Variants in NRXN2 observed in about 807,000 individuals in gnomAD.
NRXN2 encodes neurexin-2-beta.
Under a neutral mutation model 128.8 loss-of-function variants are expected in NRXN2, and 29 were observed. That is an observed-to-expected ratio of 0.23 (90% CI 0.17 to 0.31). The LOEUF is 0.31. Among genes scored for constraint, NRXN2 ranks in the 10% least tolerant of loss-of-function variants. The probability of loss-of-function intolerance (pLI) is 1.00; values close to 1 mark genes in which losing one functional copy is unlikely to be tolerated. For missense variants in NRXN2, 1,881 were observed against 2,452.6 expected (o/e 0.77, Z 4.92); for synonymous variants, 1,098 against 1,075.2 (o/e 1.02, Z -0.41).
rs762242505 is a variant in NRXN2 at position 64,607,826 on chromosome 11, G to A, written c.4509C>T (p.Ser1503=). 2.5e-5 allele frequency: 40 copies of A among 1,602,164 alleles called. No individual in the cohort carries two copies. In the South Asian group the frequency reaches 4.4e-4, roughly 18 times the overall value. The change falls in exon 23 of 23, where the codon TCC becomes TCT. Residue 1503 remains serine (S), a synonymous_variant. Transcript: ENST00000265459. ...SGFASGEVFD[S]SLPPTDDEDF... is the part of the protein sequence containing the mutation. ...CCTCGTCGTCCGTGGGGGGGAGGCT[G>A]GAGTCAAAGACCTCCCCGGAGGCGA...
At position 64,630,517 on chromosome 11, in the gene NRXN2, G is replaced by A; in HGVS notation, c.3642C>T (p.Asp1214=). Residue 1214 remains aspartate, a synonymous_variant, in exon 19 of 23, where the codon GAC becomes GAT. Transcript: ENST00000265459. This position sits in a 1 kb window ranked among gnomAD's most constrained non-coding sequence, Gnocchi z 4.6. ...CGTCGCTTACTATGGCGTTGGGCTC[G>A]TCGATGGTAATGTCGTCCGTGCCCA... ...FNVGTDDITI[D]EPNAIVSDGK... The A allele has an allele frequency of 6.2e-7, 1 of 1,614,068 alleles. No homozygotes were observed. The highest frequency in any genetic ancestry group is 8.5e-7 in the Non-Finnish European group (1 of 1,180,020).
At chr11:64,711,663 G>A (rs2056907910) in intron 2 of NRXN2, among the ~76,000 whole-genome samples, 2 of 152,036 alleles carry the variant, frequency 1.3e-5, no homozygotes, top group Non-Finnish European at 2.9e-5. Context: ...CAGCCCCACG[G>A]CCCAGGGTCC....
chr11:64,612,602 G>A (rs1238449009), intron 22 of NRXN2, among the ~76,000 whole-genome samples: 1 of 152,226 alleles, frequency 6.6e-6, no homozygotes, highest in African/African-American at 2.4e-5. Flanking sequence ...CTTCCTCTGG[G>A]GACTGCTGGC....
At chr11:64,661,229 G>GGCCCCTCCACCTTGTGCCC in intron 9 of NRXN2, 90 bp from the exon 10 acceptor site, 6 of 1,589,778 alleles carry the variant, frequency 3.8e-6, no homozygotes, top group Non-Finnish European at 5.1e-6. Context: ...ACCTTGTGTG[G>GGCCCCTCCACCTTGTGCCC]GCCCCTCCAC....
chr11:64,679,948 G>A (rs545819), intron 6 of NRXN2, among the ~76,000 whole-genome samples: 9,384 of 152,176 alleles, frequency 0.062, 992 homozygotes, highest in African/African-American at 0.21. Flanking sequence ...CTGGAGAACT[G>A]AGGCTTCAGA....
chr11:64,648,977 G>A lies in NRXN2; in HGVS notation c.3110-70C>T. On this transcript the variant is annotated intron_variant, in intron 15 of 22. Transcript: ENST00000265459. This position sits in a 1 kb window ranked among gnomAD's most constrained non-coding sequence, Gnocchi z 4.1. ...CATCCCAAGACAATGGCATCTGGCT[G>A]TCAGGTCCTCCCAGCCTTCTCAGGT... 6.5e-7 allele frequency: 1 copy of A among 1,528,798 alleles called. No individual in the cohort carries two copies. The highest frequency in any genetic ancestry group is 1.1e-5 in the South Asian group (1 of 89,106). The allele number at this position is 1,528,798 out of a possible 1,614,324, so 94.7% of individuals were successfully genotyped here. A position where few individuals can be genotyped will look rare whatever the true frequency, so the allele number is the denominator to read the frequency against.
chr11:64,682,613 G>C (rs1385578777), intron 6 of NRXN2, among the ~76,000 whole-genome samples: 2 of 152,258 alleles, frequency 1.3e-5, no homozygotes, highest in African/African-American at 4.8e-5. Context: ...AGCTGGGCAG[G>C]AGGAAGCACC....
intron 6 of NRXN2, among the ~76,000 whole-genome samples, chr11:64,683,063 G>A (rs1280792370): frequency 2.6e-5 from 4 of 152,152 alleles, no homozygotes; most frequent in Non-Finnish European, 4.4e-5. Context: ...CCTCAGTGCT[G>A]GTTCTCAGAG....
Position 64,652,108 on chromosome 11 carries a change from A to G in NRXN2, c.2463T>C (p.Asn821=), listed in dbSNP as rs71579857. The change falls in exon 13 of 23, where the codon AAT becomes AAC. Residue 821 remains asparagine (N), a synonymous_variant. Transcript: ENST00000265459. ...GGACCACCCTCACCGTGTGCCACTC[A>G]TTGTCATTGAGCTTGTGCCCCGCAA... ...TLFAGHKLND[N]EWHTVRVVRR... is the part of the protein sequence containing the mutation. The G allele has an allele frequency of 4.0e-5, 64 of 1,613,318 alleles. 1 individual carries two copies. In the Middle Eastern group the frequency reaches 8.2e-4, roughly 21 times the overall value.
Position 64,713,565 on chromosome 11 carries a change from C to G in NRXN2, c.135G>C (p.Ala45=). 7.1e-7 allele frequency: 1 copy of G among 1,405,852 alleles called. No individual in the cohort carries two copies. Among genetic ancestry groups the G allele is most frequent in the South Asian group, 1.5e-5 (1 of 68,762 alleles). The allele number at this position is 1,405,852 out of a possible 1,614,324, so 87.1% of individuals were successfully genotyped here. A position where few individuals can be genotyped will look rare whatever the true frequency, so the allele number is the denominator to read the frequency against. The change falls in exon 2 of 23, where the codon GCG becomes GCC. Residue 45 remains alanine (A), a synonymous_variant. Coordinates refer to ENST00000265459, the MANE Select transcript of NRXN2 (RefSeq NM_015080.4). The part of the protein sequence containing the change: ...PGQWARYARW[A]GAASSGELSF... ...TGAGCTCGCCGCTGCTCGCCGCGCCCGCCCAGCGCGCGTAGCGAGCCCACT... is the reference window on the plus strand; with the variant it reads ...TGAGCTCGCCGCTGCTCGCCGCGCCGGCCCAGCGCGCGTAGCGAGCCCACT...
chr11:64,699,069 G>A (rs756968116), intron 2 of NRXN2, among the ~76,000 whole-genome samples: 5 of 152,220 alleles, frequency 3.3e-5, no homozygotes, highest in Non-Finnish European at 7.3e-5. Context: ...ACCCCATTTG[G>A]TGATATCTGT....
In NRXN2 at chr11:64,607,831, C is replaced by A; in HGVS notation, c.4504G>T (p.Asp1502Tyr). 6.2e-7 allele frequency: 1 copy of A among 1,601,782 alleles called. No homozygotes were observed. The highest frequency in any genetic ancestry group is 8.5e-7 in the Non-Finnish European group (1 of 1,174,800). The part of the protein sequence containing the change: ...ASGFASGEVF[D>Y]SSLPPTDDED... ...TCGTCCGTGGGGGGGAGGCTGGAGT[C>A]AAAGACCTCCCCGGAGGCGAAGCCC... The change falls in exon 23 of 23, where the codon GAC becomes TAC. Residue 1502 changes from aspartate to tyrosine, a missense_variant. Transcript: ENST00000265459.
chr11:64,651,573 T>G lies in NRXN2; in HGVS notation c.2600A>C (p.Glu867Ala). ...GGGCACCACGGAGATAAACCGCCGC[T>G]CCGTCATGATGCCCGTCTCAATGTT... is the stretch of plus-strand genomic sequence containing the variant. ...FHNIETGIMTERRFISVVPSN... is the reference protein window; with the variant it reads ...FHNIETGIMTARRFISVVPSN... The change falls in exon 14 of 23, where the codon GAG becomes GCG. Residue 867 changes from glutamate to alanine, a missense_variant. Around this residue, in one of 7 missense-constraint regions of NRXN2, gnomAD observed 390 missense variants for 599.6 expected, o/e 0.65. Coordinates refer to ENST00000265459, the MANE Select transcript of NRXN2 (RefSeq NM_015080.4). The surrounding 1 kb of genome is among the most constrained non-coding windows in gnomAD (Gnocchi z 5.9). 1 of 1,614,106 alleles carries G rather than the reference T, an allele frequency of 6.2e-7. No homozygotes were observed. Among genetic ancestry groups the G allele is most frequent in the Non-Finnish European group, 8.5e-7 (1 of 1,180,004 alleles).
chr11:64,663,861 A>G (rs1051918740), intron 9 of NRXN2, among the ~76,000 whole-genome samples: 4 of 152,244 alleles, frequency 2.6e-5, no homozygotes, highest in African/African-American at 9.6e-5. Context: ...ATTCAGCCCT[A>G]AAAAGGAAGG....
chr11:64,679,761 G>A (rs898656089), intron 6 of NRXN2, among the ~76,000 whole-genome samples: 3 of 152,146 alleles, frequency 2.0e-5, no homozygotes, highest in African/African-American at 7.2e-5. Flanking sequence ...GATGAGATGG[G>A]GCCCCTCTAG....
At chr11:64,695,975 T>C (rs956174823) in intron 3 of NRXN2, among the ~76,000 whole-genome samples, 1 of 151,782 alleles carries the variant, frequency 6.6e-6, no homozygotes, top group Non-Finnish European at 1.5e-5. Flanking sequence ...CCTGCCTTTC[T>C]TCTTTTGGCC....
rs191726328 is a variant in NRXN2, at chr11:64,642,982, G to C, written c.3403+5237C>G. On this transcript the variant is annotated intron_variant, in intron 17 of 22. Transcript: ENST00000265459. ...AACAAAATCAACTGGATCCCGCCGGGAAATCGGGGGTCCGCGGAGCGGCAA... is the reference window on the plus strand; with the variant it reads ...AACAAAATCAACTGGATCCCGCCGGCAAATCGGGGGTCCGCGGAGCGGCAA... The C allele has an allele frequency of 3.0e-4, 307 of 1,013,994 alleles. No homozygotes were observed. In the African/African-American group the frequency reaches 3.3e-3, roughly 11 times the overall value. The allele number at this position is 1,013,994 out of a possible 1,614,324, so 62.8% of individuals were successfully genotyped here.
rs1253975991 is a variant in NRXN2 at position 64,648,242 on chromosome 11, T to C, written c.3380A>G (p.Tyr1127Cys). Residue 1127 changes from tyrosine (Y) to cysteine (C), a missense_variant, in exon 17 of 23, where the codon TAT becomes TGT. Physicochemically the swap from Tyr to Cys is radical, Grantham distance 194. Around this residue, in one of 7 missense-constraint regions of NRXN2, gnomAD observed 390 missense variants for 599.6 expected, o/e 0.65. Transcript: ENST00000265459. The surrounding 1 kb of genome is among the most constrained non-coding windows in gnomAD (Gnocchi z 4.1). ...GFTCDCTMTS[Y>C]GGPVCNDPGT... ...ACGATCATTGCAGACAGGGCCTCCA[T>C]AGGAAGTCATGGTGCAGTCGCAGGT... The C allele has an allele frequency of 2.5e-6, 4 of 1,614,104 alleles. No individual in the cohort carries two copies. The highest frequency in any genetic ancestry group is 1.6e-4 in the Middle Eastern group (1 of 6,062).
intron 12 of NRXN2, 68 bp from the exon 13 acceptor site, chr11:64,652,222 T>TG: frequency 6.5e-7 from 1 of 1,544,840 alleles, no homozygotes; most frequent in East Asian, 2.4e-5. Flanking sequence ...TATATCACCT[T>TG]GGATACACAG....
Sources: allele counts gnomAD v4.1 joint callset (sites outside exome capture counted in the v4.1 genomes callset), GRCh38; gene constraint gnomAD v4.1.1; regional missense constraint gnomAD v4.1.1; non-coding constraint Gnocchi (gnomAD v3.1); transcripts MANE v1.5; gene names NCBI Gene and HGNC (gene_info 2026-07-23, HGNC 2026-07-21).